Variants in ZBTB5 observed in about 807,000 individuals in gnomAD.
ZBTB5 encodes zinc finger and BTB domain-containing protein 5.
Under a neutral mutation model 37.9 loss-of-function variants are expected in ZBTB5, and 15 were observed. That is an observed-to-expected ratio of 0.40 (90% CI 0.26 to 0.61). The LOEUF (loss-of-function observed/expected upper bound fraction) is 0.61. Ranked by LOEUF, ZBTB5 falls within the 20% of genes least tolerant of loss-of-function variation. The pLI, the probability that ZBTB5 is intolerant of heterozygous loss-of-function variation, is 0.47. For missense variants in ZBTB5, 708 were observed against 856.8 expected (o/e 0.83, Z 2.17); for synonymous variants, 315 against 312.4 (o/e 1.01, Z -0.09).
rs778167853 is a variant in ZBTB5, at chr9:37,441,719, T to C, written c.833A>G (p.Asn278Ser). Residue 278 changes from asparagine to serine, a missense_variant, in exon 2 of 2, where the codon AAC becomes AGC. Coordinates refer to ENST00000307750, the MANE Select transcript of ZBTB5 (RefSeq NM_014872.3). ...EDAQVPSQSD[N>S]SAGNMAQLSM... ...CAACTGTGCCATGTTGCCAGCACTG[T>C]TATCAGACTGGCTGGGCACCTGGGC... 4 of 1,613,948 alleles carry C rather than the reference T, an allele frequency of 2.5e-6. No individual in the cohort carries two copies. In the Admixed American group the frequency reaches 6.7e-5, roughly 27 times the overall value.
chr9:37,448,574 C>T (rs1463514464), intron 1 of ZBTB5, among the ~76,000 whole-genome samples: 1 of 152,120 alleles, frequency 6.6e-6, no homozygotes, highest in Non-Finnish European at 1.5e-5. Flanking sequence ...AAGAACCAAA[C>T]AACAGAAGGC....
At position 37,439,891 on chromosome 9, in the gene ZBTB5, A is replaced by G. The variant is rs1309609392; in HGVS notation, c.*627T>C. 2 of 153,328 alleles carry G rather than the reference A, an allele frequency of 1.3e-5. No homozygotes were observed. Among genetic ancestry groups the G allele is most frequent in the Non-Finnish European group, 2.9e-5 (2 of 68,580 alleles). 9.5% of individuals were successfully genotyped at this position (153,328 alleles called of 1,614,324 possible). A position where few individuals can be genotyped will look rare whatever the true frequency, so the allele number is the denominator to read the frequency against. On this transcript the variant is annotated 3_prime_UTR_variant, in exon 2 of 2. Coordinates refer to ENST00000307750, the MANE Select transcript of ZBTB5 (RefSeq NM_014872.3). ...CATCTATCCAACAGTGATGTATTCA[A>G]AAGTATATACATCTAATAGTCCAAG...
Position 37,439,990 on chromosome 9 carries a change from A to AAT in ZBTB5, c.*526_*527dup, listed in dbSNP as rs1302061347. 6.4e-6 allele frequency: 1 copy of AAT among 157,374 alleles called. No homozygotes were observed. Among genetic ancestry groups the AAT allele is most frequent in the African/African-American group, 2.4e-5 (1 of 41,462 alleles). 9.7% of individuals were successfully genotyped at this position (157,374 alleles called of 1,614,324 possible). On this transcript the variant is annotated 3_prime_UTR_variant, in exon 2 of 2. Coordinates refer to ENST00000307750, the MANE Select transcript of ZBTB5 (RefSeq NM_014872.3). ...GACTGCAAATCAGGTAAAAATAAAA[A>AAT]ATACAGTACTTTGAGGCCTAGGACT...
intron 1 of ZBTB5, among the ~76,000 whole-genome samples, chr9:37,446,704 T>A (rs1588776873): frequency 6.6e-6 from 1 of 152,014 alleles, no homozygotes; most frequent in Non-Finnish European, 1.5e-5. Context: ...ACATCCCGGG[T>A]CCCCACCCGA....
intron 1 of ZBTB5, among the ~76,000 whole-genome samples, chr9:37,456,200 C>T (rs1824185374): frequency 6.6e-6 from 1 of 152,164 alleles, no homozygotes; most frequent in African/African-American, 2.4e-5. Context: ...ATCCACCTGC[C>T]TCAGCCTCCC....
At chr9:37,442,863 A>T (rs926681906) in intron 1 of ZBTB5, among the ~76,000 whole-genome samples, 1 of 152,238 alleles carries the variant, frequency 6.6e-6, no homozygotes, top group Non-Finnish European at 1.5e-5. Flanking sequence ...GTGATGGCAT[A>T]TCTATCCCAC....
chr9:37,445,643 CAAAAAA>C (rs762452347), intron 1 of ZBTB5, among the ~76,000 whole-genome samples: 1 of 103,934 alleles, frequency 9.6e-6, no homozygotes, highest in Non-Finnish European at 2.0e-5. Context: ...GAGACCCTGT[CAAAAAA>C]AAAAAAAGAA....
intron 1 of ZBTB5, among the ~76,000 whole-genome samples, chr9:37,455,911 T>C (rs934471221): frequency 2.6e-5 from 4 of 151,146 alleles, no homozygotes; most frequent in African/African-American, 9.7e-5. Flanking sequence ...GCTCAAGCAA[T>C]CCTCCTACCA....
At chr9:37,460,434 T>C (rs904891084) in intron 1 of ZBTB5, among the ~76,000 whole-genome samples, 1 of 144,468 alleles carries the variant, frequency 6.9e-6, no homozygotes, top group Non-Finnish European at 1.5e-5. Flanking sequence ...GAGTGAACAC[T>C]CCCCCCCCAA....
chr9:37,456,722 G>A (rs1824194031), intron 1 of ZBTB5, among the ~76,000 whole-genome samples: 2 of 152,222 alleles, frequency 1.3e-5, no homozygotes, highest in African/African-American at 2.4e-5. Flanking sequence ...TACTAAAACA[G>A]CTTATTGAGG....
chr9:37,457,575 G>A (rs553474713), intron 1 of ZBTB5, among the ~76,000 whole-genome samples: 1 of 152,336 alleles, frequency 6.6e-6, no homozygotes, highest in Admixed American at 6.5e-5. Flanking sequence ...TAAGCGCTGT[G>A]GAGCATAGAT....
Position 37,463,535 on chromosome 9 carries a change from T to A in ZBTB5, c.-5+1680A>T, listed in dbSNP as rs146439664. On this transcript the variant is annotated intron_variant, in intron 1 of 1. Coordinates refer to ENST00000307750, the MANE Select transcript of ZBTB5 (RefSeq NM_014872.3). ...AGCACTACACCAGGTTTTGTCAATTTCACTGAACACAAGATATTTTAAAGT... is the reference window on the plus strand; with the variant it reads ...AGCACTACACCAGGTTTTGTCAATTACACTGAACACAAGATATTTTAAAGT... Among the ~76,000 whole-genome samples, 297 of 152,368 alleles carry A rather than the reference T, an allele frequency of 1.9e-3. 2 individuals are homozygous for A. The highest frequency in any genetic ancestry group is 6.8e-3 in the African/African-American group (283 of 41,584).
chr9:37,442,645 G>T, intron 1 of ZBTB5, 90 bp from the exon 2 acceptor site: 1 of 1,044,212 alleles, frequency 9.6e-7, no homozygotes, highest in Non-Finnish European at 1.4e-6. Flanking sequence ...TGGAATGGAT[G>T]GCCAAGCTTG....
Position 37,441,443 on chromosome 9 carries a change from AG to A in ZBTB5, c.1108del (p.Leu370SerfsTer20). ...GVVVSAEKID[L>X]SPESSDRSFS... ...ACTCCGATCACTGCTTTCAGGGCTG[AG>A]GTCTATCTTCTCGGCACTGACCACA... On this transcript the variant is annotated frameshift_variant, in exon 2 of 2. Transcript: ENST00000307750. LOFTEE classifies it high-confidence loss of function. 1 of 1,613,622 alleles carries A rather than the reference AG, an allele frequency of 6.2e-7. No homozygotes were observed. The highest frequency in any genetic ancestry group is 8.5e-7 in the Non-Finnish European group (1 of 1,179,934).
intron 1 of ZBTB5, 53 bp downstream of exon 1, chr9:37,465,162 T>TC (rs1435806045): frequency 6.6e-6 from 1 of 152,316 alleles, no homozygotes; most frequent in Non-Finnish European, 1.5e-5. Context: ...TGCTCAACCT[T>TC]CCCCACGTGA....
chr9:37,459,399 G>A (rs1824247987), intron 1 of ZBTB5, among the ~76,000 whole-genome samples: 2 of 151,728 alleles, frequency 1.3e-5, no homozygotes, highest in South Asian at 2.1e-4. Context: ...GGCAGAGGTT[G>A]CAGTGAGCCA....
Position 37,439,421 on chromosome 9 carries a change from C to T in ZBTB5, c.*1097G>A, listed in dbSNP as rs1823810706. On this transcript the variant is annotated 3_prime_UTR_variant, in exon 2 of 2. Coordinates refer to ENST00000307750, the MANE Select transcript of ZBTB5 (RefSeq NM_014872.3). ...AACATTTGGTATCAGATTGGGGGAG[C>T]AACAAATAATAAAATTTAGGGTCTG... 6.6e-6 allele frequency: 1 copy of T among 152,144 alleles called. No homozygotes were observed. The highest frequency in any genetic ancestry group is 1.5e-5 in the Non-Finnish European group (1 of 68,016). The allele number at this position is 152,144 out of a possible 1,614,324, so 9.4% of individuals were successfully genotyped here. A position where few individuals can be genotyped will look rare whatever the true frequency, so the allele number is the denominator to read the frequency against.
At chr9:37,464,000 G>C (rs1330676243) in intron 1 of ZBTB5, among the ~76,000 whole-genome samples, 2 of 152,176 alleles carry the variant, frequency 1.3e-5, no homozygotes, top group African/African-American at 4.8e-5. Flanking sequence ...AGGGTTAAAA[G>C]GAAGAGTGAA....
In ZBTB5 at chr9:37,440,752, T is replaced by C; in HGVS notation, c.1800A>G (p.Ser600=). 2 of 1,614,252 alleles carry C rather than the reference T, an allele frequency of 1.2e-6. No homozygotes were observed. Among genetic ancestry groups the C allele is most frequent in the Non-Finnish European group, 1.7e-6 (2 of 1,180,046 alleles). ...CCTCTACAACCAAAACATTGTGCTC[T>C]GATAAGGCCTTCTTGCACTTTGACA... ...DVLSKCKKAL[S]EHNVLVVEGA... Residue 600 remains serine, a synonymous_variant, in exon 2 of 2, where the codon TCA becomes TCG. Coordinates refer to ENST00000307750, the MANE Select transcript of ZBTB5 (RefSeq NM_014872.3).
Sources: gnomAD v4.1 joint callset for allele counts (sites outside exome capture counted in the v4.1 genomes callset) on GRCh38, gnomAD v4.1.1 for gene constraint, MANE v1.5 for transcripts, NCBI Gene and HGNC (gene_info 2026-07-23, HGNC 2026-07-21) for gene names.